The following IQGAP3 variants were observed in gnomAD, a reference collection of about 807,000 sequenced individuals.
The protein encoded by IQGAP3 is IQ motif containing GTPase activating protein 3.
IQGAP3 carries 165 observed loss-of-function variants against 208.2 expected under a neutral mutation model. The ratio of observed to expected loss-of-function variants is 0.79; its 90% CI spans 0.70 to 0.90. The LOEUF is 0.90. IQGAP3 is among the 40% of genes least tolerant of loss of function. IQGAP3 has a pLI of 0.00. For synonymous variants in IQGAP3, 703 were observed against 803.6 expected (o/e 0.87, Z 2.12); for missense variants, 1,811 against 2,043.1 (o/e 0.89, Z 2.19).
chr1:156,529,219 A>G, intron 34 of IQGAP3, 137 bp from the exon 35 acceptor site: 1 of 927,098 alleles, frequency 1.1e-6, no homozygotes, highest in East Asian at 2.4e-5. Context: ...CTAGAAGGAA[A>G]ATCTCAAGGA....
chr1:156,546,032 G>T (rs1462502705), intron 19 of IQGAP3, among the ~76,000 whole-genome samples: 1 of 152,178 alleles, frequency 6.6e-6, no homozygotes, highest in Non-Finnish European at 1.5e-5. Flanking sequence ...AGCTGTCCAT[G>T]TTGGAGCCTA....
intron 1 of IQGAP3, 38 bp downstream of exon 1, chr1:156,572,455 C>T (rs111751067): frequency 1.2e-6 from 2 of 1,602,056 alleles, no homozygotes; most frequent in African/African-American, 1.3e-5. Flanking sequence ...ACCAGCGGCA[C>T]CACTGCGAGA....
intron 19 of IQGAP3, among the ~76,000 whole-genome samples, chr1:156,546,788 C>T (rs1170014731): frequency 6.6e-6 from 1 of 152,200 alleles, no homozygotes; most frequent in Non-Finnish European, 1.5e-5. Context: ...CCTGAGCTCT[C>T]AATTACCCCC....
Position 156,533,168 on chromosome 1 carries a change from T to C in IQGAP3, c.3977-62A>G, listed in dbSNP as rs549394572. ...ACACACACACATGCGCACACACACA[T>C]ACACACACACACATGCACCGATGGG... On this transcript the variant is annotated intron_variant, in intron 31 of 37. Transcript: ENST00000361170. 224 of 1,528,900 alleles carry C rather than the reference T, an allele frequency of 1.5e-4. No homozygotes were observed. The African/African-American group carries it at 2.7e-3, about 18-fold the overall frequency. The allele number at this position is 1,528,900 out of a possible 1,614,324, so 94.7% of individuals were successfully genotyped here.
At chr1:156,558,319 T>G (rs1676005768) in intron 11 of IQGAP3, among the ~76,000 whole-genome samples, 1 of 43,244 alleles carries the variant, frequency 2.3e-5, no homozygotes, top group Non-Finnish European at 5.0e-5. Flanking sequence ...CCGCCCCTAC[T>G]GGGAAGTGAG....
intron 21 of IQGAP3, 33 bp downstream of exon 21, chr1:156,544,119 G>T (rs748466259): frequency 1.9e-5 from 30 of 1,613,094 alleles, no homozygotes; most frequent in Non-Finnish European, 2.5e-5. Flanking sequence ...CAAAGGTTGG[G>T]TATGTGGGCA....
chr1:156,544,871 A>C (rs1398710864), intron 19 of IQGAP3, among the ~76,000 whole-genome samples: 1 of 152,146 alleles, frequency 6.6e-6, no homozygotes, highest in Non-Finnish European at 1.5e-5. Flanking sequence ...CAGACCACCC[A>C]CACACTATCA....
At chr1:156,554,937 A>C (rs1336067891) in intron 12 of IQGAP3, among the ~76,000 whole-genome samples, 3 of 152,170 alleles carry the variant, frequency 2.0e-5, no homozygotes, top group African/African-American at 7.2e-5. Context: ...CGTACCTGTC[A>C]TCCCAGCTAC....
At position 156,572,544 on chromosome 1, in the gene IQGAP3, C is replaced by T. The variant is rs1279911019; in HGVS notation, c.-15G>A. ...CTCCTCTCCATGTTCCTCCTTCTTC[C>T]AGGTTTGAATCTCCCGCCGTTGGGC... On this transcript the variant is annotated 5_prime_UTR_variant, in exon 1 of 38. Transcript: ENST00000361170. 6.2e-7 allele frequency: 1 copy of T among 1,612,936 alleles called. No individual in the cohort carries two copies. Among genetic ancestry groups the T allele is most frequent in the East Asian group, 2.2e-5 (1 of 44,862 alleles).
intron 19 of IQGAP3, among the ~76,000 whole-genome samples, chr1:156,544,954 T>C (rs1675161922): frequency 6.6e-6 from 1 of 152,208 alleles, no homozygotes; most frequent in Admixed American, 6.5e-5. Flanking sequence ...GTTGTGTGGA[T>C]GAGAAGTGTG....
At chr1:156,563,044 T>C in intron 8 of IQGAP3, 90 bp downstream of exon 8, 4 of 1,142,788 alleles carry the variant, frequency 3.5e-6, no homozygotes, top group Non-Finnish European at 5.0e-6. Context: ...TTTTGGATAC[T>C]AGAGACATGA....
At chr1:156,530,567 G>A (rs1674344511) in intron 33 of IQGAP3, among the ~76,000 whole-genome samples, 2 of 152,182 alleles carry the variant, frequency 1.3e-5, no homozygotes, top group South Asian at 4.1e-4. Context: ...CACCACAGGG[G>A]AAGAGTGGCC....
At position 156,540,791 on chromosome 1, in the gene IQGAP3, G is replaced by T. The variant is rs138977257; in HGVS notation, c.2656C>A (p.Arg886=). 116 of 1,613,966 alleles carry T rather than the reference G, an allele frequency of 7.2e-5. No individual in the cohort carries two copies. The highest frequency in any genetic ancestry group is 6.4e-5 in the Non-Finnish European group (76 of 1,180,006). ...TCCTGCTCCAGCTGCTGATTGGATCGGATCTTCCTAACTACCTCTTCCTGG... is the reference window on the plus strand; with the variant it reads ...TCCTGCTCCAGCTGCTGATTGGATCTGATCTTCCTAACTACCTCTTCCTGG... ...KLQEEVVRKI[R]SNQQLEQDLN... Residue 886 remains arginine, a synonymous_variant, in exon 23 of 38, where the codon CGA becomes AGA. Transcript: ENST00000361170.
In IQGAP3 at chr1:156,556,676, G is replaced by T. The variant is rs556661252; in HGVS notation, c.1147C>A (p.Arg383=). ...CTCCTCCGGATGGCTTTGTTGATCC[G>T]CTGCACAGCGTGGAGCACTGCAAGG... The part of the protein sequence containing the change: ...QEQAMLHAVQ[R]INKAIRRRVA... Residue 383 remains arginine, a synonymous_variant, in exon 12 of 38, where the codon CGG becomes AGG. Transcript: ENST00000361170. 2.7e-5 allele frequency: 43 copies of T among 1,593,864 alleles called. No homozygotes were observed. The highest frequency in any genetic ancestry group is 3.6e-4 in the Middle Eastern group (2 of 5,598).
chr1:156,561,031 G>T lies in IQGAP3; in HGVS notation c.1042-10C>A. Reference sequence around the variant, plus strand: ...CCACCAGGCCCAGCTCCTAAGAGAGGGAAGAGATACAGTAGAATGGAGTCC... The same window carrying T: ...CCACCAGGCCCAGCTCCTAAGAGAGTGAAGAGATACAGTAGAATGGAGTCC... On this transcript the variant is annotated splice_polypyrimidine_tract_variant and intron_variant, in intron 10 of 37. Coordinates refer to ENST00000361170, the MANE Select transcript of IQGAP3 (RefSeq NM_178229.5). The T allele has an allele frequency of 1.2e-6, 2 of 1,605,084 alleles. No individual in the cohort carries two copies. Among genetic ancestry groups the T allele is most frequent in the South Asian group, 1.1e-5 (1 of 90,886 alleles).
At chr1:156,572,355 C>G in intron 1 of IQGAP3, 138 bp downstream of exon 1, 1 of 925,916 alleles carries the variant, frequency 1.1e-6, no homozygotes, top group Non-Finnish European at 1.7e-6. Flanking sequence ...GCTGAGGATT[C>G]CCGTCCCACT....
At position 156,529,063 on chromosome 1, in the gene IQGAP3, CTGTGCT is replaced by C; in HGVS notation, c.4418_4423del (p.Gln1473_His1474del). The C allele has an allele frequency of 6.2e-7, 1 of 1,614,196 alleles. No homozygotes were observed. Among genetic ancestry groups the C allele is most frequent in the Middle Eastern group, 1.6e-4 (1 of 6,062 alleles). ...CTCTGCCTTCCGCCTGTGCCTGTGT[CTGTGCT>C]GGTTGCGGATGTCCTGGGGTTGGGG... On this transcript the variant is annotated inframe_deletion, in exon 35 of 38. Transcript: ENST00000361170.
At chr1:156,561,094 T>C in intron 10 of IQGAP3, 73 bp from the exon 11 acceptor site, 1 of 1,091,420 alleles carries the variant, frequency 9.2e-7, no homozygotes, top group Non-Finnish European at 1.4e-6. Flanking sequence ...GTTGCCAGCA[T>C]GAGCTCCCAG....
intron 2 of IQGAP3, among the ~76,000 whole-genome samples, chr1:156,566,748 G>T (rs993526132): frequency 6.6e-6 from 1 of 152,012 alleles, no homozygotes; most frequent in African/African-American, 2.4e-5. Context: ...TATCTGGACT[G>T]GCCAACCCTC....
Sources: allele counts gnomAD v4.1 joint callset (sites outside exome capture counted in the v4.1 genomes callset), GRCh38; gene constraint gnomAD v4.1.1; transcripts MANE v1.5; gene names NCBI Gene and HGNC (gene_info 2026-07-23, HGNC 2026-07-21).